Variants in HDAC9 observed in about 807,000 individuals in gnomAD.
The protein encoded by HDAC9 is MEF-2 interacting transcription repressor (MITR) protein.
HDAC9 carries 41 observed loss-of-function variants against 139.4 expected under a neutral mutation model. The ratio of observed to expected loss-of-function variants is 0.29; its 90% CI spans 0.23 to 0.38. The LOEUF (loss-of-function observed/expected upper bound fraction) is 0.38, where lower values mean the gene tolerates loss of function less well. Ranked by LOEUF, HDAC9 falls within the 10% of genes least tolerant of loss-of-function variation. HDAC9 has a pLI of 1.00. For synonymous variants in HDAC9, 517 were observed against 476.2 expected (o/e 1.09, Z -1.12); for missense variants, 1,147 against 1,297.0 (o/e 0.88, Z 1.78).
At chr7:18,960,008 A>AC (rs1783418311) in intron 24 of HDAC9, among the ~76,000 whole-genome samples, 2 of 86,126 alleles carry the variant, frequency 2.3e-5, no homozygotes, top group African/African-American at 9.3e-5. Flanking sequence ...CTGTTGTTTT[A>AC]AACACACACA....
intron 22 of HDAC9, among the ~76,000 whole-genome samples, chr7:18,918,526 T>G (rs1217753194): frequency 6.6e-6 from 1 of 152,070 alleles, no homozygotes; most frequent in Non-Finnish European, 1.5e-5. Context: ...CATAAGAATT[T>G]TAGACTTTTT....
intron 21 of HDAC9, among the ~76,000 whole-genome samples, chr7:18,865,056 A>C (rs73320029): frequency 0.022 from 3,287 of 152,268 alleles, 129 homozygotes; most frequent in African/African-American, 0.073. Flanking sequence ...AAAACAAACA[A>C]AACAACAACA....
intron 2 of HDAC9, 135 bp downstream of exon 2, chr7:18,496,459 T>C: frequency 1.4e-6 from 1 of 731,086 alleles, no homozygotes; most frequent in Non-Finnish European, 2.4e-6. Context: ...TTGGTGCGTC[T>C]GTAGGGTTTA....
rs1804080751 is a variant in HDAC9, at chr7:18,518,900, A to G, written c.22+22576A>G. Among the ~76,000 whole-genome samples, 2 of 152,228 alleles carry G rather than the reference A, an allele frequency of 1.3e-5. 1 individual carries two copies. The highest frequency in any genetic ancestry group is 4.1e-4 in the South Asian group (2 of 4,832). The stretch of plus-strand genomic sequence containing the variant: ...AAATGTTTATTTTCTAGATTCTCTT[A>G]TTCCAAAATGAAATCAAACGTGTAT... On this transcript the variant is annotated intron_variant, in intron 2 of 25. Transcript: ENST00000686413.
chr7:18,759,177 C>T (rs1243315629), intron 14 of HDAC9, among the ~76,000 whole-genome samples: 1 of 152,044 alleles, frequency 6.6e-6, no homozygotes, highest in Non-Finnish European at 1.5e-5. Context: ...ACTGATCTTA[C>T]ACAAGGGGAT....
At chr7:18,701,469 A>C (rs1419142598) in intron 12 of HDAC9, among the ~76,000 whole-genome samples, 1 of 151,918 alleles carries the variant, frequency 6.6e-6, no homozygotes, top group Non-Finnish European at 1.5e-5. Flanking sequence ...AGTACTATGA[A>C]ACTCAACTGG....
chr7:18,234,670 C>T (rs1793697583), intron 2 of HDAC9, among the ~76,000 whole-genome samples: 1 of 152,184 alleles, frequency 6.6e-6, no homozygotes, highest in Non-Finnish European at 1.5e-5. Flanking sequence ...TCTTAACCAG[C>T]ATGTCCTATT....
intron 21 of HDAC9, among the ~76,000 whole-genome samples, chr7:18,852,855 T>G (rs888087172): frequency 1.3e-5 from 2 of 152,102 alleles, no homozygotes; most frequent in Admixed American, 1.3e-4. Flanking sequence ...GCTTTTTTTT[T>G]TTCCCTCTCT....
intron 1 of HDAC9, among the ~76,000 whole-genome samples, chr7:18,132,605 G>A (rs1409356546): frequency 6.6e-6 from 1 of 151,950 alleles, no homozygotes; most frequent in Non-Finnish European, 1.5e-5. Context: ...CTTTTTGTGG[G>A]ATCCAAAAAC....
At chr7:18,946,391 G>A (rs1782405177) in intron 23 of HDAC9, among the ~76,000 whole-genome samples, 1 of 151,958 alleles carries the variant, frequency 6.6e-6, no homozygotes, top group African/African-American at 2.4e-5. Flanking sequence ...TGATAACATT[G>A]TAATAACAGA....
At chr7:18,125,993 T>C (rs992646099) in intron 1 of HDAC9, among the ~76,000 whole-genome samples, 66 of 152,212 alleles carry the variant, frequency 4.3e-4, no homozygotes, top group African/African-American at 1.5e-3. Context: ...TCTACCTGTA[T>C]GTTTTCCTTC....
At chr7:18,780,870 G>C (rs1791192357) in intron 16 of HDAC9, among the ~76,000 whole-genome samples, 2 of 151,962 alleles carry the variant, frequency 1.3e-5, no homozygotes, top group Admixed American at 1.3e-4. Context: ...GTGTTCTAAA[G>C]AATCAACAAC....
intron 2 of HDAC9, among the ~76,000 whole-genome samples, chr7:18,249,826 C>T (rs975548093): frequency 6.6e-6 from 1 of 152,018 alleles, no homozygotes; most frequent in African/African-American, 2.4e-5. Context: ...GTTATACTCC[C>T]CTGCAGGTGG....
At chr7:18,306,409 A>G (rs1162303826) in intron 1 of HDAC9, among the ~76,000 whole-genome samples, 1 of 152,246 alleles carries the variant, frequency 6.6e-6, no homozygotes, top group Non-Finnish European at 1.5e-5. Flanking sequence ...AGCATCTGCT[A>G]TGATGTGTTT....
chr7:18,936,909 C>T (rs1045925574), intron 23 of HDAC9, among the ~76,000 whole-genome samples: 3 of 151,496 alleles, frequency 2.0e-5, no homozygotes, highest in African/African-American at 7.3e-5. Flanking sequence ...ATTTTACAAA[C>T]CTGTAATGTT....
chr7:18,304,215 A>C (rs1465175860), intron 1 of HDAC9, among the ~76,000 whole-genome samples: 2 of 152,196 alleles, frequency 1.3e-5, no homozygotes, highest in African/African-American at 4.8e-5. Context: ...CCTTCTATAC[A>C]CTGTCATTTA....
At chr7:18,558,078 CAAACA>C (rs1434004357) in intron 2 of HDAC9, among the ~76,000 whole-genome samples, 5 of 152,066 alleles carry the variant, frequency 3.3e-5, no homozygotes, top group Admixed American at 2.6e-4. Context: ...AAAGGGCCCC[CAAACA>C]AGACAGGGCT....
intron 16 of HDAC9, among the ~76,000 whole-genome samples, chr7:18,789,086 T>G (rs7801849): frequency 6.6e-6 from 1 of 151,952 alleles, no homozygotes; most frequent in Non-Finnish European, 1.5e-5. Flanking sequence ...GACCGTGATC[T>G]GAGACAACCA....
intron 1 of HDAC9, among the ~76,000 whole-genome samples, chr7:18,376,376 T>A (rs753891077): frequency 2.6e-5 from 4 of 152,244 alleles, no homozygotes; most frequent in Non-Finnish European, 5.9e-5. Flanking sequence ...TGACTAAACT[T>A]GCCCTGATGC....
Sources: gnomAD v4.1 joint callset for allele counts (sites outside exome capture counted in the v4.1 genomes callset) on GRCh38, gnomAD v4.1.1 for gene constraint, MANE v1.5 for transcripts, NCBI Gene and HGNC (gene_info 2026-07-23, HGNC 2026-07-21) for gene names.